Variants in SSPN observed in about 807,000 individuals in gnomAD.
SSPN encodes the protein sarcospan.
A neutral mutation model predicts 19.1 loss-of-function variants in SSPN; 15 were observed. The observed-to-expected ratio is 0.78, with a 90% confidence interval of 0.52 to 1.21. The LOEUF (loss-of-function observed/expected upper bound fraction) is 1.21. Among genes scored for constraint, SSPN ranks in the 50% most tolerant of loss-of-function variants. SSPN has a pLI of 0.00. For synonymous variants in SSPN, 147 were observed against 140.3 expected (o/e 1.05, Z -0.34); for missense variants, 291 against 314.0 (o/e 0.93, Z 0.55).
intron 1 of SSPN, among the ~76,000 whole-genome samples, chr12:26,182,935 G>A (rs538347188): frequency 1.1e-4 from 16 of 151,770 alleles, no homozygotes; most frequent in South Asian, 2.1e-4. Context: ...GCTAATTTTC[G>A]TATTTTTTTT....
intron 1 of SSPN, among the ~76,000 whole-genome samples, chr12:26,130,801 A>G (rs180804199): frequency 6.6e-6 from 1 of 152,178 alleles, no homozygotes; most frequent in Non-Finnish European, 1.5e-5. Flanking sequence ...ACCAGCGTCT[A>G]TCTGCAAGAT....
At chr12:26,229,918 G>A (rs1035921216) in intron 2 of SSPN, among the ~76,000 whole-genome samples, 1 of 152,210 alleles carries the variant, frequency 6.6e-6, no homozygotes, top group Non-Finnish European at 1.5e-5. Context: ...TCCCTAAATT[G>A]TTCAGAGTTC....
chr12:26,151,776 C>T (rs1017506146), intron 1 of SSPN, among the ~76,000 whole-genome samples: 1 of 152,140 alleles, frequency 6.6e-6, no homozygotes, highest in African/African-American at 2.4e-5. Flanking sequence ...CACTATGCCA[C>T]ATGTGGAGAA....
intron 1 of SSPN, among the ~76,000 whole-genome samples, chr12:26,145,578 A>C (rs553850980): frequency 6.6e-6 from 1 of 152,346 alleles, no homozygotes; most frequent in African/African-American, 2.4e-5. Context: ...AGCCTCTGCC[A>C]CTAATACTTC....
chr12:26,197,121 T>C (rs1312161488), intron 1 of SSPN, among the ~76,000 whole-genome samples: 1 of 152,192 alleles, frequency 6.6e-6, no homozygotes, highest in African/African-American at 2.4e-5. Flanking sequence ...AGAAATGACA[T>C]TTTTGACTCC....
intron 1 of SSPN, among the ~76,000 whole-genome samples, chr12:26,178,068 A>G (rs1944695664): frequency 6.6e-6 from 1 of 152,204 alleles, no homozygotes; most frequent in African/African-American, 2.4e-5. Context: ...ATACAAGGTC[A>G]TGTGTTTTGA....
Position 26,226,490 on chromosome 12 carries a change from T to C in SSPN, c.366+2111T>C, listed in dbSNP as rs76664741. 8.0e-3 allele frequency among the ~76,000 whole-genome samples: 1,220 copies of C among 152,052 alleles called. 17 individuals are homozygous for C. Among genetic ancestry groups the C allele is most frequent in the African/African-American group, 0.028 (1,147 of 41,510 alleles). ...CACCCTCCCTTTCGCTTAGAGAAAA[T>C]AGCCACGGGCTCTTTTTTTTTTCTC... On this transcript the variant is annotated intron_variant, in intron 2 of 2. Transcript: ENST00000242729.
At chr12:26,212,315 G>A (rs1017557673) in intron 1 of SSPN, among the ~76,000 whole-genome samples, 8 of 152,180 alleles carry the variant, frequency 5.3e-5, no homozygotes, top group Non-Finnish European at 8.8e-5. Flanking sequence ...TGTTAAACAT[G>A]AGCTAGACTT....
upstream of SSPN, among the ~76,000 whole-genome samples, chr12:26,192,675 G>A (rs1944796564): frequency 6.6e-6 from 1 of 152,198 alleles, no homozygotes; most frequent in South Asian, 2.1e-4. Flanking sequence ...GCAGGTGTGA[G>A]TTTCCCTAGA....
intron 1 of SSPN, among the ~76,000 whole-genome samples, chr12:26,140,416 T>A (rs1944453422): frequency 6.6e-6 from 1 of 152,186 alleles, no homozygotes; most frequent in Non-Finnish European, 1.5e-5. Flanking sequence ...ATCTGGACAG[T>A]CCTCACCATC....
chr12:26,122,756 C>T (rs1178678688), intron 1 of SSPN: 3 of 1,596,424 alleles, frequency 1.9e-6, no homozygotes, highest in Non-Finnish European at 2.5e-6. Context: ...CTTTGCCTTT[C>T]TCGCGGTCCG....
intron 1 of SSPN, among the ~76,000 whole-genome samples, chr12:26,177,581 T>G (rs919741069): frequency 6.6e-6 from 1 of 152,180 alleles, no homozygotes; most frequent in African/African-American, 2.4e-5. Flanking sequence ...TTGCCTCCTC[T>G]TGTTGTACTT....
intron 1 of SSPN, among the ~76,000 whole-genome samples, chr12:26,172,622 T>C (rs1944660271): frequency 6.6e-6 from 1 of 152,206 alleles, no homozygotes; most frequent in Non-Finnish European, 1.5e-5. Context: ...GTAGCCTGCA[T>C]GTTCTTCTCT....
intron 1 of SSPN, among the ~76,000 whole-genome samples, chr12:26,137,656 ATTTTTTTTTTTTT>A (rs10597345): frequency 7.8e-5 from 6 of 76,434 alleles, no homozygotes; most frequent in African/African-American, 2.6e-4. Context: ...ATATATATAT[ATTTTTTTTTTTTT>A]TTTTTTTTTT....
intron 1 of SSPN, among the ~76,000 whole-genome samples, chr12:26,127,992 C>G (rs1944376685): frequency 6.6e-6 from 1 of 152,202 alleles, no homozygotes; most frequent in Non-Finnish European, 1.5e-5. Flanking sequence ...TTCCACAACC[C>G]TCTAAGGTAG....
intron 1 of SSPN, among the ~76,000 whole-genome samples, chr12:26,207,021 A>C (rs1483122200): frequency 1.3e-5 from 2 of 152,212 alleles, no homozygotes; most frequent in African/African-American, 4.8e-5. Flanking sequence ...CAAAATGCCA[A>C]GGTGGTGCCT....
intron 1 of SSPN, among the ~76,000 whole-genome samples, chr12:26,135,706 G>T (rs546910834): frequency 1.7e-4 from 26 of 152,234 alleles, no homozygotes; most frequent in Admixed American, 3.9e-4. Flanking sequence ...GATTTTTCTG[G>T]TCAAGGGCTT....
intron 1 of SSPN, among the ~76,000 whole-genome samples, chr12:26,160,881 G>A (rs760249495): frequency 6.6e-6 from 1 of 152,152 alleles, no homozygotes; most frequent in African/African-American, 2.4e-5. Context: ...GCCAAGGGGG[G>A]CAGATCACTT....
intron 1 of SSPN, among the ~76,000 whole-genome samples, chr12:26,145,048 C>T (rs143005929): frequency 2.3e-3 from 348 of 152,312 alleles, no homozygotes; most frequent in African/African-American, 7.9e-3. Context: ...ACCAAATTCA[C>T]ATTAGCTGAA....
Sources: gnomAD v4.1 joint callset for allele counts (sites outside exome capture counted in the v4.1 genomes callset) on GRCh38, gnomAD v4.1.1 for gene constraint, MANE v1.5 for transcripts, NCBI Gene and HGNC (gene_info 2026-07-23, HGNC 2026-07-21) for gene names.